The following PXMP2 variants were observed in gnomAD, a reference collection of about 807,000 sequenced individuals.
PXMP2 encodes peroxisomal membrane protein 2, also known as 22 kDa peroxisomal membrane protein.
In PXMP2, 13 loss-of-function variants were observed where a neutral mutation model predicts 20.2. That is an observed-to-expected ratio of 0.64 (90% confidence interval 0.42 to 1.02). The LOEUF is 1.02. Ranked by LOEUF, PXMP2 falls within the 50% of genes least tolerant of loss-of-function variation. PXMP2 has a pLI of 0.00. For synonymous variants in PXMP2, 113 were observed against 111.2 expected (o/e 1.02, Z -0.10); for missense variants, 284 against 251.8 (o/e 1.13, Z -0.87).
rs749048328 is a variant in PXMP2, at chr12:132,701,345, C to G, written c.495C>G (p.Ile165Met). ...GGGTGTGGACGCCACTACAGTTCAT[C>G]AACATCAACTACGTCCCTCTGAAGG... The part of the protein sequence containing the change: ...NWRVWTPLQF[I>M]NINYVPLKFR... Residue 165 changes from isoleucine (I) to methionine (M), a missense_variant, in exon 4 of 5, where the codon ATC (isoleucine) becomes ATG (methionine). By Grantham distance (10) the Ile-to-Met change is conservative. Transcript: ENST00000317479. The G allele has an allele frequency of 3.7e-6, 6 of 1,613,014 alleles. No homozygotes were observed. Among genetic ancestry groups the G allele is most frequent in the Admixed American group, 3.3e-5 (2 of 59,978 alleles).
At chr12:132,688,928 C>T (rs1461842368) in intron 1 of PXMP2, among the ~76,000 whole-genome samples, 1 of 38,446 alleles carries the variant, frequency 2.6e-5, no homozygotes, top group Non-Finnish European at 5.7e-5. Flanking sequence ...GCCAGGGGAG[C>T]GGGTCCTCAT....
rs574906878 is a variant in PXMP2 at position 132,694,106 on chromosome 12, C to T, written c.237-1778C>T. On this transcript the variant is annotated intron_variant, in intron 2 of 4. Coordinates refer to ENST00000317479, the MANE Select transcript of PXMP2 (RefSeq NM_018663.3). Reference sequence around the variant, plus strand: ...TGAGCGCCCTTAGCCAGTTAGTGAGCGCCCTTGCCAGTTAGTTAGTGAGCG... The same window carrying T: ...TGAGCGCCCTTAGCCAGTTAGTGAGTGCCCTTGCCAGTTAGTTAGTGAGCG... Among the ~76,000 whole-genome samples the T allele has an allele frequency of 8.5e-5, 10 of 117,308 alleles. 1 individual carries two copies. In the East Asian group the frequency reaches 2.7e-3, roughly 32 times the overall value. 77.0% of individuals were successfully genotyped at this position (117,308 alleles called of 152,430 possible). A position where few individuals can be genotyped will look rare whatever the true frequency, so the allele number is the denominator to read the frequency against.
intron 2 of PXMP2, among the ~76,000 whole-genome samples, chr12:132,692,356 TAGTTA>T (rs1331523754): frequency 6.2e-5 from 7 of 113,096 alleles, no homozygotes; most frequent in Non-Finnish European, 9.8e-5. Flanking sequence ...CTTAGCCAGT[TAGTTA>T]GTGAGCTCCC....
At position 132,704,676 on chromosome 12, in the gene PXMP2, T is replaced by A. The variant is rs2043460564; in HGVS notation, c.577T>A (p.Leu193Met). The A allele has an allele frequency of 6.4e-7, 1 of 1,562,860 alleles. No homozygotes were observed. Among genetic ancestry groups the A allele is most frequent in the Admixed American group, 1.9e-5 (1 of 52,006 alleles). ...ALFWYAYLASLGK is the reference protein window; with the variant it reads ...ALFWYAYLASMGK Reference sequence around the variant, plus strand: ...GTTCTGGTATGCCTACCTGGCCTCCTTGGGGAAGTGACGACCGCTGGGAGA... The same window carrying A: ...GTTCTGGTATGCCTACCTGGCCTCCATGGGGAAGTGACGACCGCTGGGAGA... The change falls in exon 5 of 5, where the codon TTG (leucine) becomes ATG (methionine). Residue 193 changes from leucine (L) to methionine (M), a missense_variant. Physicochemically the swap from Leu to Met is conservative, Grantham distance 15. Transcript: ENST00000317479.
rs2043463296 is a variant in PXMP2, at chr12:132,704,976, G to C, written c.*289G>C. The C allele has an allele frequency of 2.0e-6, 1 of 511,960 alleles. No homozygotes were observed. Among genetic ancestry groups the C allele is most frequent in the African/African-American group, 2.0e-5 (1 of 50,740 alleles). 31.7% of individuals were successfully genotyped at this position (511,960 alleles called of 1,614,324 possible). A position where few individuals can be genotyped will look rare whatever the true frequency, so the allele number is the denominator to read the frequency against. On this transcript the variant is annotated 3_prime_UTR_variant, in exon 5 of 5. Coordinates refer to ENST00000317479, the MANE Select transcript of PXMP2 (RefSeq NM_018663.3). ...TAGGATCACAATAAACGATAATGCA[G>C]GTTCTTCAATGGTGACTTTAATCTC... is the stretch of plus-strand genomic sequence containing the variant.
intron 3 of PXMP2, among the ~76,000 whole-genome samples, chr12:132,697,293 A>T (rs1176497508): frequency 6.6e-6 from 1 of 150,984 alleles, no homozygotes; most frequent in Admixed American, 6.6e-5. Context: ...TCAAAAGACA[A>T]AAATAAATAA....
intron 4 of PXMP2, among the ~76,000 whole-genome samples, chr12:132,702,750 T>C (rs904478421): frequency 1.3e-5 from 2 of 152,130 alleles, no homozygotes; most frequent in African/African-American, 4.8e-5. Flanking sequence ...AGGCTGCTGC[T>C]AGGGAGGACC....
At chr12:132,701,413 G>A in intron 4 of PXMP2, 44 bp downstream of exon 4, 1 of 1,603,534 alleles carries the variant, frequency 6.2e-7, no homozygotes. Flanking sequence ...TACTTTGTCA[G>A]CCTTTTCCTT....
chr12:132,691,093 C>A (rs1476674777), intron 2 of PXMP2, among the ~76,000 whole-genome samples: 2 of 151,054 alleles, frequency 1.3e-5, no homozygotes, highest in East Asian at 3.9e-4. Flanking sequence ...ACTCTGCTGC[C>A]CAGACTGGAG....
At chr12:132,692,994 C>T (rs1365564720) in intron 2 of PXMP2, among the ~76,000 whole-genome samples, 3 of 67,508 alleles carry the variant, frequency 4.4e-5, no homozygotes, top group Non-Finnish European at 6.9e-5. Flanking sequence ...GCTCCCTTGC[C>T]AGTTAGTGAG....
At chr12:132,692,148 C>A (rs2043372116) in intron 2 of PXMP2, among the ~76,000 whole-genome samples, 1 of 147,628 alleles carries the variant, frequency 6.8e-6, no homozygotes. Flanking sequence ...AGTTAGTGAG[C>A]TCCCTTGCCA....
intron 3 of PXMP2, among the ~76,000 whole-genome samples, chr12:132,698,229 A>G (rs1281236274): frequency 6.6e-6 from 1 of 151,480 alleles, no homozygotes; most frequent in African/African-American, 2.4e-5. Flanking sequence ...CCAGGTTGGT[A>G]TTGAACTCCT....
intron 3 of PXMP2, among the ~76,000 whole-genome samples, chr12:132,697,224 G>A (rs1226716450): frequency 1.3e-5 from 2 of 151,880 alleles, no homozygotes; most frequent in Non-Finnish European, 2.9e-5. Context: ...TGTGGAGGCT[G>A]CAGTGAGCAG....
intron 4 of PXMP2, among the ~76,000 whole-genome samples, chr12:132,703,991 G>A (rs1368479724): frequency 6.6e-6 from 1 of 152,184 alleles, no homozygotes; most frequent in African/African-American, 2.4e-5. Context: ...GCCATCCTAG[G>A]TGGGTGCAGG....
At position 132,688,195 on chromosome 12, in the gene PXMP2, CGGGGCGCGGGTG is replaced by C. The variant is rs1565988121; in HGVS notation, c.122+404_122+415del. On this transcript the variant is annotated intron_variant, in intron 1 of 4. Coordinates refer to ENST00000317479, the MANE Select transcript of PXMP2 (RefSeq NM_018663.3). Reference sequence around the variant, plus strand: ...AGACAGGGCGAGGGGAGCGGGTCTGCGGGGCGCGGGTGAAGACAGGGCGAGGGGAGCGGGTCT... The same window carrying C: ...AGACAGGGCGAGGGGAGCGGGTCTGCAAGACAGGGCGAGGGGAGCGGGTCT... 4.9e-4 allele frequency: 59 copies of C among 119,286 alleles called. 1 individual carries two copies. Among genetic ancestry groups the C allele is most frequent in the African/African-American group, 2.1e-3 (58 of 27,126 alleles). 7.4% of individuals were successfully genotyped at this position (119,286 alleles called of 1,614,324 possible). A position where few individuals can be genotyped will look rare whatever the true frequency, so the allele number is the denominator to read the frequency against.
chr12:132,702,124 A>C (rs1047569103), intron 4 of PXMP2, among the ~76,000 whole-genome samples: 6 of 152,196 alleles, frequency 3.9e-5, no homozygotes, highest in Non-Finnish European at 8.8e-5. Flanking sequence ...GAAACAAAGC[A>C]TTCGTGGTCC....
In PXMP2 at chr12:132,696,336, A is replaced by C. The variant is rs2043409823; in HGVS notation, c.399+290A>C. On this transcript the variant is annotated intron_variant, in intron 3 of 4. Coordinates refer to ENST00000317479, the MANE Select transcript of PXMP2 (RefSeq NM_018663.3). The surrounding 1 kb of genome is among the most constrained non-coding windows in gnomAD (Gnocchi z 4.4). ...CTGCAAACCTCAAACTCCTGGGTTC[A>C]AGCGATCCTCTTGCCTCAGCCTCCC... Among the ~76,000 whole-genome samples, 1 of 152,152 alleles carries C rather than the reference A, an allele frequency of 6.6e-6. No individual in the cohort carries two copies.
intron 3 of PXMP2, among the ~76,000 whole-genome samples, chr12:132,697,918 G>A (rs946665461): frequency 1.3e-5 from 2 of 152,034 alleles, no homozygotes; most frequent in Non-Finnish European, 2.9e-5. Context: ...TGTCTGTTCT[G>A]ACTGTCCCAC....
chr12:132,697,125 A>G (rs1037504786), intron 3 of PXMP2, among the ~76,000 whole-genome samples: 1 of 152,012 alleles, frequency 6.6e-6, no homozygotes, highest in Non-Finnish European at 1.5e-5. Flanking sequence ...CCATCTCTCA[A>G]AAAGTAAAAA....
Sources: gnomAD v4.1 joint callset for allele counts (sites outside exome capture counted in the v4.1 genomes callset) on GRCh38, gnomAD v4.1.1 for gene constraint, Gnocchi (gnomAD v3.1) non-coding constraint, MANE v1.5 for transcripts, NCBI Gene and HGNC (gene_info 2026-07-23, HGNC 2026-07-21) for gene names.